The following NPHS1 variants were observed in gnomAD, a reference collection of about 807,000 sequenced individuals.
NPHS1 encodes nephrin.
Under a neutral mutation model 139.7 loss-of-function variants are expected in NPHS1, and 107 were observed. That is an observed-to-expected ratio of 0.77 (90% CI 0.66 to 0.90). The LOEUF is 0.90. NPHS1 is among the 40% of genes least tolerant of loss of function. NPHS1 has a pLI of 0.00. For missense variants in NPHS1, 1,580 were observed against 1,654.2 expected, an observed-to-expected ratio of 0.96 and a Z score of 0.78; for synonymous variants, 707 against 706.6, an observed-to-expected ratio of 1.00 and a Z score of -0.01.
intron 23 of NPHS1, among the ~76,000 whole-genome samples, chr19:35,832,460 C>T (rs762087091): frequency 1.1e-4 from 17 of 152,024 alleles, no homozygotes; most frequent in Non-Finnish European, 2.1e-4. Flanking sequence ...AAGAGGATTG[C>T]TTGAACCTGG....
At position 35,835,721 on chromosome 19, in the gene NPHS1, G is replaced by A; in HGVS notation, c.3150C>T (p.Pro1050=). ...QPSGEPEDQL[P]TEPPSGPSGL... ...AGGACTTGCCTGAAGGTGGCTCTGT[G>A]GGCAGCTGGTCTTCAGGTTCTCCAG... The change falls in exon 23 of 29, where the codon CCC becomes CCT. Residue 1050 remains proline, a synonymous_variant. Transcript: ENST00000378910. 6.2e-7 allele frequency: 1 copy of A among 1,613,638 alleles called. No individual in the cohort carries two copies.
intron 23 of NPHS1, among the ~76,000 whole-genome samples, chr19:35,834,743 T>C (rs1568450262): frequency 6.6e-6 from 1 of 151,574 alleles, no homozygotes; most frequent in Non-Finnish European, 1.5e-5. Context: ...TACAAAAAAT[T>C]AGCTGGGCGT....
chr19:35,852,120 G>T lies in NPHS1; in HGVS notation c.-283C>A. ...TTCTTTTTTTTTTTTTTAGAGACGG[G>T]GTCTCACTATGTTGGCCAGGTTGAT... On this transcript the variant is annotated 5_prime_UTR_variant, in exon 1 of 29. Coordinates refer to ENST00000378910, the MANE Select transcript of NPHS1 (RefSeq NM_004646.4). Among the ~76,000 whole-genome samples, 1 of 141,218 alleles carries T rather than the reference G, an allele frequency of 7.1e-6. No homozygotes were observed. Among genetic ancestry groups the T allele is most frequent in the African/African-American group, 2.7e-5 (1 of 36,950 alleles). The allele number at this position is 141,218 out of a possible 152,430, so 92.6% of individuals were successfully genotyped here.
intron 11 of NPHS1, among the ~76,000 whole-genome samples, chr19:35,847,671 G>GTT (rs553348469): frequency 0.013 from 1,714 of 136,222 alleles, 29 homozygotes; most frequent in African/African-American, 0.04. Flanking sequence ...TTACAGCATT[G>GTT]TTTTTTTTTT....
At chr19:35,840,382 T>C (rs1973037093) in intron 20 of NPHS1, among the ~76,000 whole-genome samples, 1 of 151,576 alleles carries the variant, frequency 6.6e-6, no homozygotes, top group South Asian at 2.1e-4. Flanking sequence ...TCACCCAGGC[T>C]GGAGTGCAGT....
At chr19:35,831,861 C>T in intron 23 of NPHS1, 99 bp from the exon 24 acceptor site, 1 of 1,312,266 alleles carries the variant, frequency 7.6e-7, no homozygotes, top group East Asian at 2.5e-5. Flanking sequence ...AGTCCCTCCC[C>T]CAGGGTCAGA....
intron 16 of NPHS1, 64 bp downstream of exon 16, chr19:35,844,039 A>T: frequency 6.3e-7 from 1 of 1,579,026 alleles, no homozygotes; most frequent in Non-Finnish European, 8.6e-7. Flanking sequence ...TCCCACAATG[A>T]GGAGACTCCA....
At chr19:35,843,443 C>T (rs1299141153) in intron 17 of NPHS1, 29 bp downstream of exon 17, 26 of 1,613,660 alleles carry the variant, frequency 1.6e-5, no homozygotes, top group Non-Finnish European at 2.2e-5. Context: ...CTTGACCCCA[C>T]CTCTATTCAC....
Position 35,831,302 on chromosome 19 carries a change from G to C in NPHS1, c.3381C>G (p.Ser1127Arg). 1 of 1,614,048 alleles carries C rather than the reference G, an allele frequency of 6.2e-7. No homozygotes were observed. The highest frequency in any genetic ancestry group is 1.1e-5 in the South Asian group (1 of 91,074). Reference sequence around the variant, plus strand: ...CAGGGCCACCCCCACTTACCGTGGAGCTCTGAGTGTCCCGCTCTCCTGTCC... The same window carrying C: ...CAGGGCCACCCCCACTTACCGTGGACCTCTGAGTGTCCCGCTCTCCTGTCC... Reference protein sequence around the residue: ...SQWTGERDTQSSTVSTTEAEP... With the variant: ...SQWTGERDTQRSTVSTTEAEP... The change falls in exon 26 of 29, where the codon AGC becomes AGG. Residue 1127 changes from serine to arginine, a missense_variant. By Grantham distance (110) the Ser-to-Arg change is moderately radical. Coordinates refer to ENST00000378910, the MANE Select transcript of NPHS1 (RefSeq NM_004646.4).
intron 23 of NPHS1, among the ~76,000 whole-genome samples, chr19:35,833,325 T>C (rs1392220361): frequency 6.6e-6 from 1 of 152,154 alleles, no homozygotes; most frequent in Non-Finnish European, 1.5e-5. Flanking sequence ...TGTCTTCTAC[T>C]AATAGCACTT....
intron 16 of NPHS1, chr19:35,843,878 C>T: frequency 2.9e-6 from 2 of 685,182 alleles, no homozygotes; most frequent in East Asian, 2.7e-5. Flanking sequence ...GGAGCAGCTT[C>T]CGTGTCTAGG....
chr19:35,831,536 A>G, intron 24 of NPHS1, 36 bp from the exon 25 acceptor site: 6 of 1,613,498 alleles, frequency 3.7e-6, no homozygotes, highest in Non-Finnish European at 5.1e-6. Flanking sequence ...CAGTGACCCT[A>G]TGCAAGCCCC....
Position 35,846,020 on chromosome 19 carries a change from G to T in NPHS1, c.1615C>A (p.Leu539Met). 1 of 1,544,722 alleles carries T rather than the reference G, an allele frequency of 6.5e-7. No homozygotes were observed. The highest frequency in any genetic ancestry group is 1.8e-5 in the Admixed American group (1 of 54,090). Residue 539 changes from leucine (L) to methionine (M), a missense_variant, in exon 12 of 29, where the codon CTG becomes ATG. Transcript: ENST00000378910. ...TGCGAGCCCTCACACTGCACCGCCA[G>T]CTGCGTGGACGCGCTGAGCTGTCCA... ...KAGQLSASTQ[L>M]AVQFPPTNVT...
At position 35,849,582 on chromosome 19, in the gene NPHS1, G is replaced by C. The variant is rs202046128; in HGVS notation, c.680C>G (p.Pro227Arg). 2 of 1,613,904 alleles carry C rather than the reference G, an allele frequency of 1.2e-6. No homozygotes were observed. Among genetic ancestry groups the C allele is most frequent in the African/African-American group, 2.7e-5 (2 of 75,030 alleles). ...CEASSPALEA[P>R]IKASFTVNVL... is the part of the protein sequence containing the mutation. ...ATTCACGGTGAATGAGGCCTTGATG[G>C]GGGCCTCCAGTGCTGGGCTAGACGC... is the stretch of plus-strand genomic sequence containing the variant. Residue 227 changes from proline to arginine, a missense_variant, in exon 6 of 29, where the codon CCC becomes CGC. Coordinates refer to ENST00000378910, the MANE Select transcript of NPHS1 (RefSeq NM_004646.4).
intron 17 of NPHS1, among the ~76,000 whole-genome samples, chr19:35,842,780 A>G (rs1290784946): frequency 6.6e-6 from 1 of 152,108 alleles, no homozygotes; most frequent in African/African-American, 2.4e-5. Flanking sequence ...TTATGCTTGG[A>G]ACCATCTATC....
At chr19:35,850,553 G>A (rs1973224836) in intron 4 of NPHS1, 108 bp from the exon 5 acceptor site, 3 of 933,960 alleles carry the variant, frequency 3.2e-6, no homozygotes, top group South Asian at 2.7e-5. Flanking sequence ...CTCCCTCCTC[G>A]TTCTAGAGGA....
rs767782262 is a variant in NPHS1 at position 35,843,537 on chromosome 19, C to T, written c.2269G>A (p.Val757Met). ...GCATCGACAGTGCAGACTATGTCCA[C>T]AGAACCCCCGACGTTCACCTCAGTG... is the stretch of plus-strand genomic sequence containing the variant. ...DPTEVNVGGS[V>M]DIVCTVDANP... Residue 757 changes from valine (V) to methionine (M), a missense_variant, in exon 17 of 29, where the codon GTG (valine) becomes ATG (methionine). Val to Met is a conservative substitution (Grantham distance 21, BLOSUM62 1). Transcript: ENST00000378910. 5 of 1,614,160 alleles carry T rather than the reference C, an allele frequency of 3.1e-6. No homozygotes were observed. The highest frequency in any genetic ancestry group is 1.7e-6 in the Non-Finnish European group (2 of 1,180,016).
Position 35,851,556 on chromosome 19 carries a change from C to G in NPHS1, c.175G>C (p.Gly59Arg). 1 of 1,614,000 alleles carries G rather than the reference C, an allele frequency of 6.2e-7. No homozygotes were observed. The highest frequency in any genetic ancestry group is 8.5e-7 in the Non-Finnish European group (1 of 1,179,984). The change falls in exon 2 of 29, where the codon GGC becomes CGC. Residue 59 changes from glycine (G) to arginine (R), a missense_variant. Physicochemically the swap from Gly to Arg is moderately radical, Grantham distance 125. Coordinates refer to ENST00000378910, the MANE Select transcript of NPHS1 (RefSeq NM_004646.4). ...TCTTTGGCCCATTGCACCGCACTGC[C>G]AGGGGTGCTGACCCCACAACGCAGC... ...VELRCGVSTPGSAVQWAKDGL... is the reference protein window; with the variant it reads ...VELRCGVSTPRSAVQWAKDGL...
chr19:35,839,949 T>C (rs917910578), intron 20 of NPHS1, among the ~76,000 whole-genome samples: 3 of 151,588 alleles, frequency 2.0e-5, no homozygotes, highest in African/African-American at 7.3e-5. Context: ...AGCAAAAAAA[T>C]TCAAGACCAA....
Sources: allele counts gnomAD v4.1 joint callset (sites outside exome capture counted in the v4.1 genomes callset), GRCh38; gene constraint gnomAD v4.1.1; transcripts MANE v1.5; gene names NCBI Gene and HGNC (gene_info 2026-07-23, HGNC 2026-07-21).